Variants in RAB40C observed in about 807,000 individuals in gnomAD.
RAB40C encodes the protein RAB40C, member RAS oncogene family.
In RAB40C, 8 loss-of-function variants were observed where a neutral mutation model predicts 28.1. The ratio of observed to expected loss-of-function variants is 0.28; its 90% CI spans 0.17 to 0.51. RAB40C has a LOEUF of 0.51. RAB40C is among the 20% of genes least tolerant of loss of function. The pLI is 0.97. For synonymous variants in RAB40C, 201 were observed against 171.7 expected (o/e 1.17, Z -1.34); for missense variants, 288 against 405.9 (o/e 0.71, Z 2.50).
chr16:602,162 T>C (rs1364698336), intron 1 of RAB40C, among the ~76,000 whole-genome samples: 1 of 151,602 alleles, frequency 6.6e-6, no homozygotes, highest in East Asian at 1.9e-4. Context: ...TAATGATTAT[T>C]CAATGAAGTG....
chr16:592,262 G>T (rs940977633), intron 1 of RAB40C, among the ~76,000 whole-genome samples: 1 of 152,254 alleles, frequency 6.6e-6, no homozygotes, highest in African/African-American at 2.4e-5. Flanking sequence ...GCCTTTGGCT[G>T]CTGAGAGTGT....
At chr16:599,598 G>C (rs59198063) in intron 1 of RAB40C, among the ~76,000 whole-genome samples, 32 of 147,724 alleles carry the variant, frequency 2.2e-4, no homozygotes, top group African/African-American at 8.6e-4. Flanking sequence ...CGTGGCATCA[G>C]TCAGCGTGGA....
intron 4 of RAB40C, 102 bp from the exon 5 acceptor site, chr16:625,797 C>T: frequency 2.5e-6 from 3 of 1,202,918 alleles, no homozygotes; most frequent in Non-Finnish European, 3.5e-6. Context: ...CCTCCCACGG[C>T]CCTCACCCCA....
At chr16:602,136 G>GATTTGGAGGCACATTTAATGATT (rs1567186213) in intron 1 of RAB40C, among the ~76,000 whole-genome samples, 1 of 151,846 alleles carries the variant, frequency 6.6e-6, no homozygotes, top group Non-Finnish European at 1.5e-5. Context: ...AAAAACTACT[G>GATTTGGAGGCACATTTAATGATT]ATTTGGAGGC....
chr16:593,722 G>A (rs993124471), intron 1 of RAB40C, among the ~76,000 whole-genome samples: 3 of 152,232 alleles, frequency 2.0e-5, no homozygotes, highest in African/African-American at 7.2e-5. Context: ...GCACCTGTGG[G>A]AGCCCCTGTG....
At chr16:606,093 AT>A (rs2036355946) in intron 1 of RAB40C, among the ~76,000 whole-genome samples, 1 of 151,844 alleles carries the variant, frequency 6.6e-6, no homozygotes, top group Non-Finnish European at 1.5e-5. Flanking sequence ...CTTTTCTGTT[AT>A]TGCTGACACA....
intron 5 of RAB40C, 32 bp downstream of exon 5, chr16:626,153 TC>T (rs748085651): frequency 6.3e-7 from 1 of 1,579,826 alleles, no homozygotes; most frequent in Admixed American, 1.7e-5. Context: ...AGCCCTGAGG[TC>T]CCCGAACCTG....
chr16:621,148 G>A (rs1359985902), intron 3 of RAB40C, among the ~76,000 whole-genome samples: 1 of 152,240 alleles, frequency 6.6e-6, no homozygotes, highest in Non-Finnish European at 1.5e-5. Flanking sequence ...CCTGGGTTGA[G>A]GGTGCCAGGT....
chr16:603,450 G>A (rs1286443123), intron 1 of RAB40C, among the ~76,000 whole-genome samples: 2 of 152,116 alleles, frequency 1.3e-5, no homozygotes, highest in African/African-American at 2.4e-5. Context: ...CGCCGGCCCC[G>A]CACGTGAATG....
In RAB40C at chr16:590,402, C is replaced by A. The variant is rs745828292; in HGVS notation, c.111C>A (p.Gly37=). Residue 37 remains glycine (G), a synonymous_variant, in exon 1 of 6, where the codon GGC becomes GGA. Transcript: ENST00000248139. Reference sequence around the variant, plus strand: ...AGATCCTGGAGAGCCTGCAGGACGGCGCGGCAGAGTCCCCGTACGCCTACA... The same window carrying A: ...AGATCCTGGAGAGCCTGCAGGACGGAGCGGCAGAGTCCCCGTACGCCTACA... ...KGEILESLQD[G]AAESPYAYSN... is the part of the protein sequence containing the mutation. 1 of 1,593,072 alleles carries A rather than the reference C, an allele frequency of 6.3e-7. No individual in the cohort carries two copies. Among genetic ancestry groups the A allele is most frequent in the Non-Finnish European group, 8.5e-7 (1 of 1,171,770 alleles).
chr16:602,670 T>C (rs997389712), intron 1 of RAB40C, among the ~76,000 whole-genome samples: 1 of 152,078 alleles, frequency 6.6e-6, no homozygotes, highest in Non-Finnish European at 1.5e-5. Context: ...TGACCTCAAG[T>C]GATCCACCCA....
rs1038617356 is a variant in RAB40C at position 627,447 on chromosome 16, C to A, written c.671C>A (p.Ser224Tyr). The A allele has an allele frequency of 6.2e-7, 1 of 1,613,968 alleles. No homozygotes were observed. The highest frequency in any genetic ancestry group is 8.5e-7 in the Non-Finnish European group (1 of 1,180,030). Reference sequence around the variant, plus strand: ...GTCACCATCAAGAGCCACCTCAAGTCCTTCTCGATGGCCAACGGCATGAAC... The same window carrying A: ...GTCACCATCAAGAGCCACCTCAAGTACTTCTCGATGGCCAACGGCATGAAC... ...LPVTIKSHLK[S>Y]FSMANGMNAV... The change falls in exon 6 of 6, where the codon TCC (serine) becomes TAC (tyrosine). Residue 224 changes from serine to tyrosine, a missense_variant. Ser to Tyr is a moderately radical substitution (Grantham distance 144). This residue lies in a region of RAB40C where 153 missense variants were observed against 262.4 expected (regional missense o/e 0.58). Transcript: ENST00000248139.
At chr16:621,927 A>T (rs1264298667) in intron 3 of RAB40C, among the ~76,000 whole-genome samples, 1 of 152,034 alleles carries the variant, frequency 6.6e-6, no homozygotes, top group African/African-American at 2.4e-5. Flanking sequence ...GGGCGGGTGG[A>T]TGTGAGTGGG....
At chr16:625,810 A>G (rs1008749801) in intron 4 of RAB40C, 89 bp from the exon 5 acceptor site, 8 of 1,289,510 alleles carry the variant, frequency 6.2e-6, no homozygotes, top group Non-Finnish European at 7.6e-6. Context: ...TCACCCCATC[A>G]TAGTCCAGAC....
At chr16:593,217 C>T (rs984160446) in intron 1 of RAB40C, among the ~76,000 whole-genome samples, 1 of 152,242 alleles carries the variant, frequency 6.6e-6, no homozygotes, top group Non-Finnish European at 1.5e-5. Context: ...GGCCAGCCCT[C>T]TTCATCAGGG....
intron 1 of RAB40C, among the ~76,000 whole-genome samples, chr16:605,505 A>G (rs2036341476): frequency 1.3e-5 from 2 of 152,142 alleles, no homozygotes; most frequent in South Asian, 2.1e-4. Context: ...CTGGCATGTC[A>G]CTGTGGACTC....
chr16:626,172 C>A, intron 5 of RAB40C, 51 bp downstream of exon 5: 1 of 1,539,750 alleles, frequency 6.5e-7, no homozygotes, highest in Non-Finnish European at 8.9e-7. Flanking sequence ...CTGGGCTGCC[C>A]TGATCACATG....
intron 1 of RAB40C, chr16:596,392 T>A (rs1036952050): frequency 2.2e-6 from 1 of 454,884 alleles, no homozygotes; most frequent in African/African-American, 2.0e-5. Flanking sequence ...CCCTGCGAGC[T>A]GGCGTAGAGC....
rs1469318393 is a variant in RAB40C at position 610,255 on chromosome 16, G to A, written c.143-6953G>A. 1.3e-5 allele frequency among the ~76,000 whole-genome samples: 2 copies of A among 152,140 alleles called. No individual in the cohort carries two copies. Among genetic ancestry groups the A allele is most frequent in the Non-Finnish European group, 2.9e-5 (2 of 68,014 alleles). On this transcript the variant is annotated intron_variant, in intron 1 of 5. Transcript: ENST00000248139. The surrounding 1 kb of genome is among the most constrained non-coding windows in gnomAD (Gnocchi z 4.6). The stretch of plus-strand genomic sequence containing the variant: ...GTCAGAGCGCCTGTCCTGTGGAGCG[G>A]CTCTGACCAGGACAGTGCCGTGTGT...
Sources: allele counts gnomAD v4.1 joint callset (sites outside exome capture counted in the v4.1 genomes callset), GRCh38; gene constraint gnomAD v4.1.1; regional missense constraint gnomAD v4.1.1; non-coding constraint Gnocchi (gnomAD v3.1); transcripts MANE v1.5; gene names NCBI Gene and HGNC (gene_info 2026-07-23, HGNC 2026-07-21).